The following MLXIP variants were observed in gnomAD, a reference collection of about 807,000 sequenced individuals.
MLXIP encodes the protein MLX-interacting protein.
MLXIP carries 30 observed loss-of-function variants against 87.2 expected under a neutral mutation model. The observed-to-expected ratio is 0.34, with a 90% CI of 0.26 to 0.47. The LOEUF (loss-of-function observed/expected upper bound fraction) is 0.47, where lower values mean the gene tolerates loss of function less well. Ranked by LOEUF, MLXIP falls within the 20% of genes least tolerant of loss-of-function variation. The pLI is 1.00. For synonymous variants in MLXIP, 530 were observed against 514.0 expected (o/e 1.03, Z -0.42); for missense variants, 1,002 against 1,240.1 (o/e 0.81, Z 2.88).
chr12:122,140,803 G>C, intron 15 of MLXIP, 151 bp from the exon 16 acceptor site: 1 of 1,216,574 alleles, frequency 8.2e-7, no homozygotes, highest in Non-Finnish European at 1.2e-6. Flanking sequence ...ACCTTGCCTA[G>C]AGATCTCTCC....
intron 1 of MLXIP, among the ~76,000 whole-genome samples, chr12:122,082,296 A>C (rs1352636156): frequency 1.3e-5 from 2 of 152,190 alleles, no homozygotes; most frequent in African/African-American, 2.4e-5. Flanking sequence ...ACATGTGCTC[A>C]ATTATTGGGA....
chr12:122,131,466 T>TA (rs1952978200), intron 7 of MLXIP, among the ~76,000 whole-genome samples: 4 of 147,612 alleles, frequency 2.7e-5, no homozygotes, highest in Non-Finnish European at 4.5e-5. Flanking sequence ...TTTTTTTTTT[T>TA]AGAGACAGGG....
At chr12:122,104,772 G>C (rs906564074) in intron 1 of MLXIP, among the ~76,000 whole-genome samples, 3 of 151,780 alleles carry the variant, frequency 2.0e-5, no homozygotes, top group Non-Finnish European at 2.9e-5. Context: ...AGTGGAGATG[G>C]GGTTTCACCA....
Position 122,133,282 on chromosome 12 carries a change from G to C in MLXIP, c.1093-66G>C. 1 of 1,501,012 alleles carries C rather than the reference G, an allele frequency of 6.7e-7. No homozygotes were observed. The highest frequency in any genetic ancestry group is 8.9e-7 in the Non-Finnish European group (1 of 1,127,762). 93.0% of individuals were successfully genotyped at this position (1,501,012 alleles called of 1,614,324 possible). Reference sequence around the variant, plus strand: ...GGCCTGTGTAGTTGGACTTGGCAGTGTGCAGCGCTAGAAAGGAATTGTCTG... The same window carrying C: ...GGCCTGTGTAGTTGGACTTGGCAGTCTGCAGCGCTAGAAAGGAATTGTCTG... On this transcript the variant is annotated intron_variant, in intron 8 of 16. Transcript: ENST00000319080. This position sits in a 1 kb window ranked among gnomAD's most constrained non-coding sequence, Gnocchi z 4.9.
intron 15 of MLXIP, 34 bp from the exon 16 acceptor site, chr12:122,140,920 C>T (rs1191707044): frequency 6.2e-7 from 1 of 1,613,964 alleles, no homozygotes; most frequent in South Asian, 1.1e-5. Flanking sequence ...CAGCCCCTCT[C>T]CGTGCTTGCC....
rs138115804 is a variant in MLXIP, at chr12:122,104,675, G to A, written c.414-22581G>A. 3.5e-3 allele frequency among the ~76,000 whole-genome samples: 530 copies of A among 150,144 alleles called. 1 individual carries two copies. Among genetic ancestry groups the A allele is most frequent in the African/African-American group, 0.012 (488 of 40,708 alleles). ...GCTCACTGCAACGTCTGCCTCCCGG[G>A]TTCAAGCAATTCTCCTGCCTCAGCC... On this transcript the variant is annotated intron_variant, in intron 1 of 16. Coordinates refer to ENST00000319080, the MANE Select transcript of MLXIP (RefSeq NM_014938.6).
In MLXIP at chr12:122,130,912, G is replaced by A; in HGVS notation, c.979G>A (p.Asp327Asn). ...IPLQPNLDFM[D>N]TFEPFQDLFS... Reference sequence around the variant, plus strand: ...TTTGCAGCCTAACCTGGACTTCATGGACACCTTTGAGCCTTTCCAGGGTGA... The same window carrying A: ...TTTGCAGCCTAACCTGGACTTCATGAACACCTTTGAGCCTTTCCAGGGTGA... The change falls in exon 7 of 17, where the codon GAC becomes AAC. Residue 327 changes from aspartate to asparagine, a missense_variant. Asp to Asn is a conservative substitution (Grantham distance 23). Around this residue, in one of 3 missense-constraint regions of MLXIP, gnomAD observed 746 missense variants for 897.0 expected, o/e 0.83. Coordinates refer to ENST00000319080, the MANE Select transcript of MLXIP (RefSeq NM_014938.6). The A allele has an allele frequency of 9.9e-6, 16 of 1,613,522 alleles. No homozygotes were observed. Among genetic ancestry groups the A allele is most frequent in the Non-Finnish European group, 1.4e-5 (16 of 1,179,484 alleles).
intron 1 of MLXIP, among the ~76,000 whole-genome samples, chr12:122,124,887 C>T (rs1952855506): frequency 6.6e-6 from 1 of 152,074 alleles, no homozygotes; most frequent in Non-Finnish European, 1.5e-5. Context: ...AAAAATTAGG[C>T]CGGGCTTGGT....
At chr12:122,105,104 C>T (rs913043434) in intron 1 of MLXIP, among the ~76,000 whole-genome samples, 5 of 152,126 alleles carry the variant, frequency 3.3e-5, no homozygotes, top group African/African-American at 9.7e-5. Flanking sequence ...GCCTCATGGG[C>T]GATCACATCA....
intron 12 of MLXIP, 47 bp from the exon 13 acceptor site, chr12:122,138,147 T>C: frequency 1.3e-6 from 2 of 1,501,314 alleles, no homozygotes; most frequent in Non-Finnish European, 1.8e-6. Context: ...GGGTGGACAG[T>C]GTGCCTGCAA....
chr12:122,108,047 G>T (rs1952548148), intron 1 of MLXIP, among the ~76,000 whole-genome samples: 1 of 152,138 alleles, frequency 6.6e-6, no homozygotes, highest in Non-Finnish European at 1.5e-5. Flanking sequence ...TGATGCTGCT[G>T]ATGGAGAAGA....
intron 1 of MLXIP, among the ~76,000 whole-genome samples, chr12:122,106,349 A>G (rs1317098448): frequency 6.6e-6 from 1 of 152,140 alleles, no homozygotes; most frequent in Admixed American, 6.6e-5. Flanking sequence ...GCACTTCCAT[A>G]CACTCCACAC....
In MLXIP at chr12:122,138,546, C is replaced by T. The variant is rs376620176; in HGVS notation, c.2379C>T (p.Thr793=). Residue 793 remains threonine (T), a synonymous_variant, in exon 14 of 17, where the codon ACC becomes ACT. Transcript: ENST00000319080. ...LREEIEELNA[T]IISCQQLLPA... is the part of the protein sequence containing the mutation. ...AGGAGATCGAGGAGCTCAATGCCAC[C>T]ATCATGTGAGCTTCTGGGCCTTGGG... 1 of 1,611,018 alleles carries T rather than the reference C, an allele frequency of 6.2e-7. No individual in the cohort carries two copies. Among genetic ancestry groups the T allele is most frequent in the African/African-American group, 1.3e-5 (1 of 74,890 alleles).
chr12:122,138,625 C>T (rs1451885016), intron 14 of MLXIP, 74 bp downstream of exon 14: 5 of 1,539,996 alleles, frequency 3.2e-6, no homozygotes, highest in South Asian at 2.4e-5. Flanking sequence ...GGTGGTGGGA[C>T]CCTGTGGCCT....
chr12:122,086,890 G>C (rs984310879), intron 1 of MLXIP, among the ~76,000 whole-genome samples: 2 of 152,124 alleles, frequency 1.3e-5, no homozygotes, highest in African/African-American at 4.8e-5. Flanking sequence ...TCACAGGCCA[G>C]CCCTGCCGTC....
chr12:122,119,496 A>C (rs1021289161), intron 1 of MLXIP, among the ~76,000 whole-genome samples: 1 of 152,038 alleles, frequency 6.6e-6, no homozygotes, highest in African/African-American at 2.4e-5. Context: ...GGTTCATGCC[A>C]TTCTCCTGCC....
At chr12:122,136,824 A>T (rs1340573800) in intron 11 of MLXIP, 1 of 152,232 alleles carries the variant, frequency 6.6e-6, no homozygotes, top group Non-Finnish European at 1.5e-5. Context: ...GTTGGGAGTC[A>T]GGCCCCTCAA....
rs1179778697 is a variant in MLXIP, at chr12:122,133,630, G to C, written c.1375G>C (p.Ala459Pro). ...ACCATTAGTTCCTCCTCCTGCCACT[G>C]CCCTGAACCCCCCGGCTCCACCCAC... is the stretch of plus-strand genomic sequence containing the variant. Reference protein sequence around the residue: ...VLPLVPPPATALNPPAPPTFH... With the variant: ...VLPLVPPPATPLNPPAPPTFH... The change falls in exon 9 of 17, where the codon GCC becomes CCC. Residue 459 changes from alanine to proline, a missense_variant. By Grantham distance (27) the Ala-to-Pro change is conservative (BLOSUM62 -1). This residue lies in a region of MLXIP where 746 missense variants were observed against 897.0 expected (regional missense o/e 0.83). Transcript: ENST00000319080. This position sits in a 1 kb window ranked among gnomAD's most constrained non-coding sequence, Gnocchi z 4.9. 2 of 1,609,700 alleles carry C rather than the reference G, an allele frequency of 1.2e-6. No individual in the cohort carries two copies. The highest frequency in any genetic ancestry group is 1.7e-6 in the Non-Finnish European group (2 of 1,178,912).
chr12:122,124,889 G>A (rs112278983), intron 1 of MLXIP, among the ~76,000 whole-genome samples: 9 of 152,088 alleles, frequency 5.9e-5, no homozygotes, highest in East Asian at 1.9e-4. Context: ...AAATTAGGCC[G>A]GGCTTGGTGG....
Sources: allele counts gnomAD v4.1 joint callset (sites outside exome capture counted in the v4.1 genomes callset), GRCh38; gene constraint gnomAD v4.1.1; regional missense constraint gnomAD v4.1.1; non-coding constraint Gnocchi (gnomAD v3.1); transcripts MANE v1.5; gene names NCBI Gene and HGNC (gene_info 2026-07-23, HGNC 2026-07-21).